The following LRRFIP2 variants were observed in gnomAD, a reference collection of about 807,000 sequenced individuals.
The protein encoded by LRRFIP2 is LRR binding FLII interacting protein 2, also known as leucine-rich repeat flightless-interacting protein 2.
In LRRFIP2, 109 loss-of-function variants were observed where a neutral mutation model predicts 125.9. That is an observed-to-expected ratio of 0.87 (90% confidence interval 0.74 to 1.01). The LOEUF (loss-of-function observed/expected upper bound fraction) is 1.01. LRRFIP2 is among the 50% of genes least tolerant of loss of function. The probability of loss-of-function intolerance (pLI) is 0.00; values close to 1 mark genes in which losing one functional copy is unlikely to be tolerated. For synonymous variants in LRRFIP2, 291 were observed against 293.1 expected (o/e 0.99, Z 0.07); for missense variants, 850 against 862.3 (o/e 0.99, Z 0.18).
intron 3 of LRRFIP2, among the ~76,000 whole-genome samples, chr3:37,128,298 CT>C (rs2095339400): frequency 6.6e-6 from 1 of 152,280 alleles, no homozygotes; most frequent in East Asian, 1.9e-4. Context: ...GCTTTTGCCC[CT>C]TCATACTACT....
intron 1 of LRRFIP2, among the ~76,000 whole-genome samples, chr3:37,167,516 T>C (rs2096524391): frequency 6.6e-6 from 1 of 150,668 alleles, no homozygotes; most frequent in South Asian, 2.1e-4. Context: ...TAGCCGGGCG[T>C]GGTGGCGGGT....
intron 4 of LRRFIP2, among the ~76,000 whole-genome samples, chr3:37,122,012 G>A (rs923194429): frequency 8.6e-5 from 13 of 151,418 alleles, no homozygotes; most frequent in Non-Finnish European, 1.5e-4. Context: ...TTGGTGTGCT[G>A]CACCCATTAA....
At chr3:37,120,031 T>C (rs1361514541) in intron 6 of LRRFIP2, among the ~76,000 whole-genome samples, 1 of 152,116 alleles carries the variant, frequency 6.6e-6, no homozygotes, top group Non-Finnish European at 1.5e-5. Context: ...GAATTCACTA[T>C]TAAAATTTTT....
At chr3:37,055,600 CACA>C (rs2086613991) in intron 25 of LRRFIP2, among the ~76,000 whole-genome samples, 1 of 152,114 alleles carries the variant, frequency 6.6e-6, no homozygotes, top group Non-Finnish European at 1.5e-5. Flanking sequence ...CAAATGCACA[CACA>C]ACAACCACAG....
intron 18 of LRRFIP2, among the ~76,000 whole-genome samples, chr3:37,089,971 T>G (rs2093332654): frequency 6.6e-6 from 1 of 152,218 alleles, no homozygotes. Flanking sequence ...ACTTGCAGGC[T>G]TCCCTCATGG....
intron 24 of LRRFIP2, among the ~76,000 whole-genome samples, chr3:37,062,581 G>C (rs1052856253): frequency 6.6e-6 from 1 of 152,144 alleles, no homozygotes; most frequent in Non-Finnish European, 1.5e-5. Context: ...CTTCCACAAA[G>C]AGGAGAAAAA....
intron 2 of LRRFIP2, among the ~76,000 whole-genome samples, chr3:37,139,625 T>A (rs1190568075): frequency 1.3e-5 from 2 of 152,010 alleles, no homozygotes; most frequent in Non-Finnish European, 2.9e-5. Flanking sequence ...TTGTTGAAAG[T>A]CAAACCCTCC....
At chr3:37,151,889 G>A (rs958339547) in intron 1 of LRRFIP2, among the ~76,000 whole-genome samples, 1 of 152,196 alleles carries the variant, frequency 6.6e-6, no homozygotes, top group Non-Finnish European at 1.5e-5. Flanking sequence ...ACAGGCATGA[G>A]CCACCAGGCC....
chr3:37,141,711 A>C (rs1209643449), intron 2 of LRRFIP2, among the ~76,000 whole-genome samples: 1 of 152,136 alleles, frequency 6.6e-6, no homozygotes, highest in African/African-American at 2.4e-5. Context: ...GCTCATCCCC[A>C]GGCAGGGCCC....
intron 1 of LRRFIP2, among the ~76,000 whole-genome samples, chr3:37,161,208 T>C (rs1222295184): frequency 1.6e-5 from 2 of 122,092 alleles, no homozygotes; most frequent in East Asian, 2.1e-4. Context: ...AAGCAAAGAT[T>C]AGCCAGGCAC....
Position 37,053,809 on chromosome 3 carries a change from T to G in LRRFIP2, c.*42A>C. On this transcript the variant is annotated 3_prime_UTR_variant, in exon 28 of 28. Transcript: ENST00000336686. ...ATGGACAAAAGTCAGTCCCTCTAGG[T>G]AGGGCCCCAAGGAGCATCACCCAGG... 2 of 1,350,716 alleles carry G rather than the reference T, an allele frequency of 1.5e-6. No homozygotes were observed. The highest frequency in any genetic ancestry group is 2.1e-6 in the Non-Finnish European group (2 of 939,620). The allele number at this position is 1,350,716 out of a possible 1,614,324, so 83.7% of individuals were successfully genotyped here. A position where few individuals can be genotyped will look rare whatever the true frequency, so the allele number is the denominator to read the frequency against.
chr3:37,168,851 C>T (rs1426719118), intron 1 of LRRFIP2, among the ~76,000 whole-genome samples: 2 of 152,212 alleles, frequency 1.3e-5, no homozygotes, highest in Admixed American at 6.5e-5. Context: ...GTGCTCATAG[C>T]ACACTACAGC....
chr3:37,157,207 C>A (rs1577751502), intron 1 of LRRFIP2, among the ~76,000 whole-genome samples: 1 of 152,084 alleles, frequency 6.6e-6, no homozygotes, highest in East Asian at 1.9e-4. Context: ...CTTTGGGAGG[C>A]TGAGGCAGGC....
rs1021294830 is a variant in LRRFIP2 at position 37,060,343 on chromosome 3, C to G, written c.1750-1433G>C. ...TGTTTGTTTGAGACAGGGTCTCGCTCTGTGGCCCAGACTGGAGTGCAGTGG... is the reference window on the plus strand; with the variant it reads ...TGTTTGTTTGAGACAGGGTCTCGCTGTGTGGCCCAGACTGGAGTGCAGTGG... On this transcript the variant is annotated intron_variant, in intron 24 of 27. Coordinates refer to ENST00000336686, the MANE Select transcript of LRRFIP2 (RefSeq NM_006309.4). The surrounding 1 kb of genome is among the most constrained non-coding windows in gnomAD (Gnocchi z 4.1). Among the ~76,000 whole-genome samples, 1 of 152,168 alleles carries G rather than the reference C, an allele frequency of 6.6e-6. No individual in the cohort carries two copies. Among genetic ancestry groups the G allele is most frequent in the Non-Finnish European group, 1.5e-5 (1 of 68,042 alleles).
Position 37,108,671 on chromosome 3 carries a change from T to A in LRRFIP2, c.623A>T (p.Asn208Ile). 6.2e-7 allele frequency: 1 copy of A among 1,610,462 alleles called. No homozygotes were observed. ...LRSASLASLYNGGLYNPYGPR... is the reference protein window; with the variant it reads ...LRSASLASLYIGGLYNPYGPR... ...ACCATAAGGGTTATATAATCCACCA[T>A]TGTACAATGATGCCTAAGGAACAAA... The change falls in exon 12 of 28, where the codon AAT (asparagine) becomes ATT (isoleucine). Residue 208 changes from asparagine (N) to isoleucine (I), a missense_variant. Physicochemically the swap from Asn to Ile is moderately radical, Grantham distance 149 (BLOSUM62 -3). Transcript: ENST00000336686.
chr3:37,108,781 G>T, intron 11 of LRRFIP2, 97 bp from the exon 12 acceptor site: 1 of 985,298 alleles, frequency 1.0e-6, no homozygotes, highest in Non-Finnish European at 1.6e-6. Context: ...AAAAAGTTTT[G>T]GAGAATGATA....
In LRRFIP2 at chr3:37,083,717, T is replaced by C. The variant is rs961026415; in HGVS notation, c.1197A>G (p.Gln399=). The C allele has an allele frequency of 6.2e-7, 1 of 1,600,668 alleles. No individual in the cohort carries two copies. Among genetic ancestry groups the C allele is most frequent in the Non-Finnish European group, 8.5e-7 (1 of 1,175,208 alleles). ...CAATAACATCCTTGAGTGTGTCTAC[T>C]TGGTAGATCAAATTGTTCTTCTCAT... ...LDNEKNNLIY[Q]VDTLKDVIEE... is the part of the protein sequence containing the mutation. The change falls in exon 19 of 28, where the codon CAA becomes CAG. Residue 399 remains glutamine (Q), a synonymous_variant. Coordinates refer to ENST00000336686, the MANE Select transcript of LRRFIP2 (RefSeq NM_006309.4).
At chr3:37,135,185 G>A in intron 2 of LRRFIP2, 2 of 925,132 alleles carry the variant, frequency 2.2e-6, no homozygotes, top group Non-Finnish European at 3.3e-6. Flanking sequence ...AAAAGGCTGG[G>A]CACGTTGGCT....
At chr3:37,148,849 T>C in intron 2 of LRRFIP2, 45 bp downstream of exon 2, 2 of 1,608,164 alleles carry the variant, frequency 1.2e-6, no homozygotes, top group Non-Finnish European at 8.5e-7. Flanking sequence ...ATTTTTACAA[T>C]ACATCTGTGC....
Sources: allele counts gnomAD v4.1 joint callset (sites outside exome capture counted in the v4.1 genomes callset), GRCh38; gene constraint gnomAD v4.1.1; non-coding constraint Gnocchi (gnomAD v3.1); transcripts MANE v1.5; gene names NCBI Gene and HGNC (gene_info 2026-07-23, HGNC 2026-07-21).